The following SYN2 variants were observed in gnomAD, a reference collection of about 807,000 sequenced individuals.
The protein encoded by SYN2 is synapsin-2.
SYN2 carries 19 observed loss-of-function variants against 50.9 expected under a neutral mutation model. The ratio of observed to expected loss-of-function variants is 0.37; its 90% CI spans 0.26 to 0.55. The LOEUF (loss-of-function observed/expected upper bound fraction) is 0.55. SYN2 is among the 20% of genes least tolerant of loss of function. SYN2 has a pLI of 0.81. For synonymous variants in SYN2, 255 were observed against 224.9 expected (o/e 1.13, Z -1.20); for missense variants, 587 against 576.4 (o/e 1.02, Z -0.19).
At chr3:12,154,116 T>C (rs1697382724) in intron 5 of SYN2, among the ~76,000 whole-genome samples, 1 of 152,242 alleles carries the variant, frequency 6.6e-6, no homozygotes, top group Non-Finnish European at 1.5e-5. Flanking sequence ...GTGTTACAGT[T>C]ATCTCAGTCT....
rs1695202016 is a variant in SYN2, at chr3:12,065,716, TG to T, written c.377+60793del. Among the ~76,000 whole-genome samples, 9 of 151,690 alleles carry T rather than the reference TG, an allele frequency of 5.9e-5. No homozygotes were observed. The South Asian group carries it at 1.9e-3, about 32-fold the overall frequency. On this transcript the variant is annotated intron_variant, in intron 1 of 12. Coordinates refer to ENST00000621198, the MANE Select transcript of SYN2 (RefSeq NM_133625.6). ...GGACTACTTGAGGTGGGAAGGAGGG[TG>T]GGGGCAAGGGTTGGAAAAACTAACT...
chr3:12,097,483 G>T (rs1274298810), intron 1 of SYN2, among the ~76,000 whole-genome samples: 3 of 152,072 alleles, frequency 2.0e-5, no homozygotes, highest in Non-Finnish European at 4.4e-5. Flanking sequence ...GCGCACGCCT[G>T]TAGTCCTAGC....
chr3:12,154,313 G>A, intron 5 of SYN2: 1 of 1,614,172 alleles, frequency 6.2e-7, no homozygotes, highest in Non-Finnish European at 8.5e-7. Flanking sequence ...CTTTGGAAAT[G>A]GACATTCCCT....
intron 1 of SYN2, among the ~76,000 whole-genome samples, chr3:12,072,780 G>T (rs1183598696): frequency 2.0e-5 from 3 of 152,070 alleles, no homozygotes; most frequent in Non-Finnish European, 4.4e-5. Flanking sequence ...GGCTTTTAAA[G>T]CTTTCATTTC....
At chr3:12,159,933 C>G (rs953154255) in intron 5 of SYN2, among the ~76,000 whole-genome samples, 4 of 148,766 alleles carry the variant, frequency 2.7e-5, no homozygotes, top group African/African-American at 9.9e-5. Context: ...GTCCCAGGTA[C>G]TCAGGAGGCT....
intron 1 of SYN2, among the ~76,000 whole-genome samples, chr3:12,013,438 A>C (rs1693959103): frequency 6.6e-6 from 1 of 151,926 alleles, no homozygotes; most frequent in Non-Finnish European, 1.5e-5. Flanking sequence ...GGTGTCAGTT[A>C]CCTCTTAAGT....
chr3:12,133,234 C>T (rs1696829930), intron 1 of SYN2, among the ~76,000 whole-genome samples: 1 of 152,192 alleles, frequency 6.6e-6, no homozygotes. Context: ...CAAGGACCAG[C>T]CACAGAATGT....
At chr3:12,161,457 C>T in intron 5 of SYN2, 89 bp from the exon 6 acceptor site, 1 of 1,462,106 alleles carries the variant, frequency 6.8e-7, no homozygotes, top group Non-Finnish European at 9.5e-7. Flanking sequence ...AAGAACCCTC[C>T]CAAGGGTATT....
chr3:12,071,037 G>A (rs532133721), intron 1 of SYN2: 13 of 559,568 alleles, frequency 2.3e-5, no homozygotes, highest in African/African-American at 2.1e-4. Context: ...TTTCCTTCCT[G>A]GGCATGGAAT....
chr3:12,133,989 T>C (rs543877429), intron 1 of SYN2, among the ~76,000 whole-genome samples: 2 of 152,260 alleles, frequency 1.3e-5, no homozygotes, highest in East Asian at 3.9e-4. Flanking sequence ...CTACAGAGTT[T>C]TTGTTTGGGA....
chr3:12,044,283 CA>C (rs1404819442), intron 1 of SYN2, among the ~76,000 whole-genome samples: 1 of 151,010 alleles, frequency 6.6e-6, no homozygotes, highest in Non-Finnish European at 1.5e-5. Context: ...ATAGCATGAG[CA>C]AAAGCAAAAA....
At chr3:12,189,088 G>A (rs1698399561) in intron 12 of SYN2, among the ~76,000 whole-genome samples, 2 of 152,340 alleles carry the variant, frequency 1.3e-5, no homozygotes, top group South Asian at 2.1e-4. Context: ...GGCAGAGAGA[G>A]ACTGCTCACA....
intron 1 of SYN2, among the ~76,000 whole-genome samples, chr3:12,081,900 T>C (rs1271265044): frequency 6.6e-6 from 1 of 152,216 alleles, no homozygotes; most frequent in African/African-American, 2.4e-5. Context: ...TTTGTGTGCT[T>C]ATTGGTTTGT....
intron 10 of SYN2, among the ~76,000 whole-genome samples, chr3:12,179,200 GCA>G (rs1052224273): frequency 5.3e-4 from 80 of 151,982 alleles, no homozygotes; most frequent in African/African-American, 1.9e-3. Context: ...GATGGAAGCG[GCA>G]CACTCTCCTT....
intron 1 of SYN2, among the ~76,000 whole-genome samples, chr3:12,074,050 G>A (rs1265500462): frequency 6.6e-6 from 1 of 152,080 alleles, no homozygotes; most frequent in Non-Finnish European, 1.5e-5. Context: ...TTCCAGAGTA[G>A]TTCTATCTTC....
chr3:12,022,532 C>A (rs546492769), intron 1 of SYN2, among the ~76,000 whole-genome samples: 1 of 151,972 alleles, frequency 6.6e-6, no homozygotes, highest in East Asian at 1.9e-4. Context: ...CTTAGCCTCC[C>A]GAGTAGCTGG....
intron 1 of SYN2, among the ~76,000 whole-genome samples, chr3:12,052,111 A>G (rs1039559859): frequency 6.6e-6 from 1 of 152,174 alleles, no homozygotes; most frequent in East Asian, 1.9e-4. Context: ...CGATATTCAC[A>G]TTTTAGTATT....
chr3:12,139,525 A>C (rs1427849112), intron 1 of SYN2, among the ~76,000 whole-genome samples: 1 of 152,136 alleles, frequency 6.6e-6, no homozygotes, highest in South Asian at 2.1e-4. Flanking sequence ...CCTTGAATAC[A>C]CCATTTTCAA....
At chr3:12,059,829 C>G (rs929872107) in intron 1 of SYN2, among the ~76,000 whole-genome samples, 7 of 152,040 alleles carry the variant, frequency 4.6e-5, no homozygotes. Flanking sequence ...AAAGGGGGTC[C>G]CTGCTCTGTC....
Sources: gnomAD v4.1 joint callset for allele counts (sites outside exome capture counted in the v4.1 genomes callset) on GRCh38, gnomAD v4.1.1 for gene constraint, MANE v1.5 for transcripts, NCBI Gene and HGNC (gene_info 2026-07-23, HGNC 2026-07-21) for gene names.